EYS: variants seen among roughly 807,000 people sequenced by gnomAD.
The protein encoded by EYS is EGF-like photoreceptor maintenance factor.
In EYS, 250 loss-of-function variants were observed where a neutral mutation model predicts 282.1. That is an observed-to-expected ratio of 0.89 (90% CI 0.80 to 0.98). The LOEUF (loss-of-function observed/expected upper bound fraction) is 0.98, where lower values mean the gene tolerates loss of function less well. EYS is among the 50% of genes least tolerant of loss of function. The probability of loss-of-function intolerance (pLI) is 0.00; values close to 1 mark genes in which losing one functional copy is unlikely to be tolerated. For synonymous variants in EYS, 1,355 were observed against 1,282.9 expected, an observed-to-expected ratio of 1.06 and a Z score of -1.20; for missense variants, 4,016 against 3,709.0, an observed-to-expected ratio of 1.08 and a Z score of -2.15.
intron 8 of EYS, among the ~76,000 whole-genome samples, chr6:65,380,300 A>T (rs1428379005): frequency 6.6e-6 from 1 of 152,026 alleles, no homozygotes; most frequent in Non-Finnish European, 1.5e-5. Flanking sequence ...ACAACAAAGG[A>T]TTCAGAAGTA....
At position 63,826,398 on chromosome 6, in the gene EYS, A is replaced by G. The variant is rs188962373; in HGVS notation, c.7229-20026T>C. ...ACAAGAAGCACAAAGAGCACCTGGGAAATTCATTGCAAAAGGATCATCATT... is the reference window on the plus strand; with the variant it reads ...ACAAGAAGCACAAAGAGCACCTGGGGAATTCATTGCAAAAGGATCATCATT... On this transcript the variant is annotated intron_variant, in intron 36 of 42. Coordinates refer to ENST00000503581, the MANE Select transcript of EYS (RefSeq NM_001142800.2). Among the ~76,000 whole-genome samples the G allele has an allele frequency of 4.2e-3, 644 of 152,346 alleles. 7 individuals are homozygous for G. Among genetic ancestry groups the G allele is most frequent in the African/African-American group, 0.015 (618 of 41,578 alleles).
intron 35 of EYS, among the ~76,000 whole-genome samples, chr6:63,932,521 T>G (rs1764926221): frequency 6.6e-6 from 1 of 152,224 alleles, no homozygotes; most frequent in African/African-American, 2.4e-5. Context: ...GCACTCCTCC[T>G]TCAGGGAATT....
chr6:64,513,544 A>T (rs1198129142), intron 26 of EYS, among the ~76,000 whole-genome samples: 1 of 151,938 alleles, frequency 6.6e-6, no homozygotes, highest in Non-Finnish European at 1.5e-5. Flanking sequence ...ACAACAAATG[A>T]TTAAGTGCTA....
chr6:64,178,516 A>G (rs574381942), intron 31 of EYS, among the ~76,000 whole-genome samples: 1 of 152,112 alleles, frequency 6.6e-6, no homozygotes, highest in Non-Finnish European at 1.5e-5. Context: ...TAAAGCCTAC[A>G]TGCTTAACTC....
At chr6:65,494,382 A>T (rs755531913) in intron 4 of EYS, among the ~76,000 whole-genome samples, 1 of 151,628 alleles carries the variant, frequency 6.6e-6, no homozygotes, top group Non-Finnish European at 1.5e-5. Context: ...GGTTCACCCC[A>T]TTCTCCTGCC....
At chr6:64,483,731 C>T (rs553183350) in intron 26 of EYS, among the ~76,000 whole-genome samples, 29 of 151,554 alleles carry the variant, frequency 1.9e-4, no homozygotes, top group Non-Finnish European at 4.0e-4. Context: ...ATGCAAGCTA[C>T]ATTCTAGTGT....
chr6:63,967,602 T>G (rs1328433158), intron 35 of EYS, among the ~76,000 whole-genome samples: 1 of 152,038 alleles, frequency 6.6e-6, no homozygotes, highest in East Asian at 1.9e-4. Flanking sequence ...TTTGGAAAAA[T>G]TTTTGGAGTT....
chr6:64,340,077 A>C (rs1309595059), intron 29 of EYS, among the ~76,000 whole-genome samples: 1 of 151,736 alleles, frequency 6.6e-6, no homozygotes, highest in Non-Finnish European at 1.5e-5. Context: ...ATACAAATAA[A>C]AACGTATGCA....
At position 65,586,043 on chromosome 6, in the gene EYS, T is replaced by A. The variant is rs182787507; in HGVS notation, c.-333+53735A>T. 2.3e-3 allele frequency among the ~76,000 whole-genome samples: 347 copies of A among 152,112 alleles called. 2 individuals carry two copies. Among genetic ancestry groups the A allele is most frequent in the African/African-American group, 8.3e-3 (344 of 41,542 alleles). Reference sequence around the variant, plus strand: ...TTAACATTCCATGTTATGTGGCCACTCACTTATTTGGTGGTTTCAGGCTCC... The same window carrying A: ...TTAACATTCCATGTTATGTGGCCACACACTTATTTGGTGGTTTCAGGCTCC... On this transcript the variant is annotated intron_variant, in intron 2 of 42. Coordinates refer to ENST00000503581, the MANE Select transcript of EYS (RefSeq NM_001142800.2).
chr6:65,005,525 G>A (rs1202918098), intron 13 of EYS, among the ~76,000 whole-genome samples: 1 of 147,334 alleles, frequency 6.8e-6, no homozygotes, highest in Non-Finnish European at 1.5e-5. Flanking sequence ...CCTCCAAAGT[G>A]GTAATGTTGG....
Position 65,561,694 on chromosome 6 carries a change from T to G in EYS, c.-332-65701A>C, listed in dbSNP as rs554844051. ...TTAAACTAATAAATATTAGATGGCA[T>G]CTTAAAAATATGTAGGGCTGTCAAC... On this transcript the variant is annotated intron_variant, in intron 2 of 42. Coordinates refer to ENST00000503581, the MANE Select transcript of EYS (RefSeq NM_001142800.2). Among the ~76,000 whole-genome samples the G allele has an allele frequency of 5.9e-5, 9 of 152,210 alleles. No homozygotes were observed. The East Asian group carries it at 1.7e-3, about 29-fold the overall frequency.
chr6:64,591,425 C>A lies in EYS; in HGVS notation c.4442G>T (p.Arg1481Ile). The A allele has an allele frequency of 6.4e-7, 1 of 1,551,364 alleles. No homozygotes were observed. The highest frequency in any genetic ancestry group is 2.4e-5 in the East Asian group (1 of 40,892). The change falls in exon 26 of 43, where the codon AGA becomes ATA. Residue 1481 changes from arginine to isoleucine, a missense_variant. By Grantham distance (97) the Arg-to-Ile change is moderately conservative. Coordinates refer to ENST00000503581, the MANE Select transcript of EYS (RefSeq NM_001142800.2). The stretch of plus-strand genomic sequence containing the variant: ...GGGGCTGAGCAATCTCCAGTGCTCT[C>A]TTCTTGAAATTAAAGAATCAGCTGA... ...EYSADSLISRREHWRLLSPSM... is the reference protein window; with the variant it reads ...EYSADSLISRIEHWRLLSPSM...
At chr6:64,229,506 A>T (rs1391506332) in intron 31 of EYS, among the ~76,000 whole-genome samples, 2 of 152,202 alleles carry the variant, frequency 1.3e-5, no homozygotes, top group Admixed American at 6.5e-5. Context: ...CTTTTCTCAA[A>T]ATCAAGCCAT....
chr6:64,773,728 G>C (rs567417920), intron 22 of EYS, among the ~76,000 whole-genome samples: 7 of 152,014 alleles, frequency 4.6e-5, no homozygotes, highest in Non-Finnish European at 8.8e-5. Context: ...AATGATTAGA[G>C]ATGTTGAGTA....
intron 26 of EYS, among the ~76,000 whole-genome samples, chr6:64,494,930 CAAT>C (rs1045436356): frequency 3.6e-4 from 54 of 151,690 alleles, no homozygotes; most frequent in African/African-American, 1.3e-3. Flanking sequence ...TATGATAATA[CAAT>C]AATCACCACT....
At chr6:64,746,543 C>T (rs1266444936) in intron 22 of EYS, among the ~76,000 whole-genome samples, 1 of 152,080 alleles carries the variant, frequency 6.6e-6, no homozygotes, top group Non-Finnish European at 1.5e-5. Flanking sequence ...TACAATATAA[C>T]ACTACAGTAA....
chr6:63,834,919 G>A (rs1771761692), intron 36 of EYS, among the ~76,000 whole-genome samples: 1 of 151,448 alleles, frequency 6.6e-6, no homozygotes, highest in Non-Finnish European at 1.5e-5. Flanking sequence ...GGATGAAGCT[G>A]GAAACCATCA....
chr6:65,585,925 G>C (rs1291749023), intron 2 of EYS, among the ~76,000 whole-genome samples: 1 of 151,932 alleles, frequency 6.6e-6, no homozygotes, highest in Non-Finnish European at 1.5e-5. Flanking sequence ...TGTTGCAAAA[G>C]TAATTGTGGC....
intron 26 of EYS, among the ~76,000 whole-genome samples, chr6:64,552,015 C>A (rs1165795985): frequency 6.6e-6 from 1 of 152,188 alleles, no homozygotes; most frequent in African/African-American, 2.4e-5. Flanking sequence ...CGTGATTCAC[C>A]CACCTTGGCC....
Sources: gnomAD v4.1 joint callset for allele counts (sites outside exome capture counted in the v4.1 genomes callset) on GRCh38, gnomAD v4.1.1 for gene constraint, MANE v1.5 for transcripts, NCBI Gene and HGNC (gene_info 2026-07-23, HGNC 2026-07-21) for gene names.